The following CYP19A1 variants were observed in gnomAD, a reference collection of about 807,000 sequenced individuals.
CYP19A1 encodes the protein cytochrome P450 family 19 subfamily A member 1.
Under a neutral mutation model 44.4 loss-of-function variants are expected in CYP19A1, and 32 were observed. That is an observed-to-expected ratio of 0.72 (90% CI 0.54 to 0.97). The LOEUF (loss-of-function observed/expected upper bound fraction) is 0.97, where lower values mean the gene tolerates loss of function less well. Among genes scored for constraint, CYP19A1 ranks in the 50% least tolerant of loss-of-function variants. The probability of loss-of-function intolerance (pLI) is 0.00; values close to 1 mark genes in which losing one functional copy is unlikely to be tolerated. For synonymous variants in CYP19A1, 212 were observed against 215.6 expected (o/e 0.98, Z 0.14); for missense variants, 598 against 637.8 (o/e 0.94, Z 0.67).
At chr15:51,308,198 G>A (rs2036248506) in intron 1 of CYP19A1, among the ~76,000 whole-genome samples, 1 of 152,160 alleles carries the variant, frequency 6.6e-6, no homozygotes, top group Admixed American at 6.5e-5. Context: ...AAGGAGAGAA[G>A]CTTCCCATGT....
At chr15:51,236,814 C>T in intron 3 of CYP19A1, 45 bp downstream of exon 3, 2 of 1,611,594 alleles carry the variant, frequency 1.2e-6, no homozygotes, top group Non-Finnish European at 1.7e-6. Context: ...GAAAAAACTC[C>T]AGCCTCGATT....
intron 1 of CYP19A1, among the ~76,000 whole-genome samples, chr15:51,295,216 G>T (rs1487721183): frequency 6.6e-6 from 1 of 151,220 alleles, no homozygotes; most frequent in Non-Finnish European, 1.5e-5. Context: ...ACTGCTGAAG[G>T]CTTTTTACTC....
intron 1 of CYP19A1, among the ~76,000 whole-genome samples, chr15:51,302,640 G>A (rs1384366179): frequency 6.6e-6 from 1 of 152,154 alleles, no homozygotes; most frequent in African/African-American, 2.4e-5. Context: ...ACAGATCACA[G>A]CCTCAAACTG....
intron 1 of CYP19A1, among the ~76,000 whole-genome samples, chr15:51,271,833 A>T (rs530461722): frequency 3.9e-5 from 6 of 152,340 alleles, no homozygotes; most frequent in African/African-American, 1.2e-4. Context: ...CTTTGACAAA[A>T]ATCTTTTCCT....
intron 2 of CYP19A1, among the ~76,000 whole-genome samples, chr15:51,239,879 G>C (rs1374281813): frequency 6.6e-6 from 1 of 152,154 alleles, no homozygotes; most frequent in East Asian, 1.9e-4. Flanking sequence ...TCCCTGCTCT[G>C]GGATGTGGTA....
At chr15:51,243,409 C>T (rs547415930) in intron 1 of CYP19A1, among the ~76,000 whole-genome samples, 1 of 152,260 alleles carries the variant, frequency 6.6e-6, no homozygotes, top group Admixed American at 6.5e-5. Context: ...CCCTTTTTGA[C>T]CAAAATGACT....
chr15:51,337,467 T>TTGTATTAAAGA (rs2036795236), intron 1 of CYP19A1, among the ~76,000 whole-genome samples: 1 of 152,326 alleles, frequency 6.6e-6, no homozygotes, highest in African/African-American at 2.4e-5. Context: ...AATTACAGTC[T>TTGTATTAAAGA]CTTTAAAGAA....
chr15:51,229,248 G>A (rs2032835671), intron 3 of CYP19A1, among the ~76,000 whole-genome samples: 1 of 151,794 alleles, frequency 6.6e-6, no homozygotes, highest in Admixed American at 6.6e-5. Flanking sequence ...TAATATATAA[G>A]GTGTGGTAGT....
chr15:51,323,279 G>A (rs1028669005), intron 1 of CYP19A1, among the ~76,000 whole-genome samples: 2 of 152,030 alleles, frequency 1.3e-5, no homozygotes, highest in African/African-American at 4.8e-5. Context: ...CCTTCTTATA[G>A]GAAGCTGCTC....
intron 1 of CYP19A1, among the ~76,000 whole-genome samples, chr15:51,292,195 C>T (rs1383075380): frequency 2.6e-5 from 4 of 152,200 alleles, no homozygotes; most frequent in East Asian, 1.9e-4. Context: ...CAGAGTCACT[C>T]GGCTCTCAAC....
chr15:51,302,312 C>G (rs942006931), intron 1 of CYP19A1, among the ~76,000 whole-genome samples: 4 of 152,170 alleles, frequency 2.6e-5, no homozygotes, highest in Non-Finnish European at 4.4e-5. Context: ...AGCATTATTC[C>G]CCTGAGGGAA....
At chr15:51,297,332 T>C (rs2036015456) in intron 1 of CYP19A1, among the ~76,000 whole-genome samples, 1 of 152,176 alleles carries the variant, frequency 6.6e-6, no homozygotes, top group Non-Finnish European at 1.5e-5. Flanking sequence ...GCCTCCTCTT[T>C]AACAGATGAG....
intron 5 of CYP19A1, 61 bp downstream of exon 5, chr15:51,222,288 T>C (rs759065393): frequency 1.9e-6 from 3 of 1,613,136 alleles, no homozygotes; most frequent in Non-Finnish European, 2.5e-6. Flanking sequence ...CTGTTATCCC[T>C]CCTAGCTCCT....
At chr15:51,280,595 G>A (rs552349150) in intron 1 of CYP19A1, among the ~76,000 whole-genome samples, 3 of 152,276 alleles carry the variant, frequency 2.0e-5, no homozygotes, top group Admixed American at 1.3e-4. Context: ...CTAGTCCTTG[G>A]CAGGCTCCAG....
chr15:51,257,042 T>C (rs2034541445), intron 1 of CYP19A1, among the ~76,000 whole-genome samples: 5 of 152,228 alleles, frequency 3.3e-5, no homozygotes, highest in Admixed American at 1.3e-4. Context: ...TAATAAATTG[T>C]ATGGTCACCT....
intron 1 of CYP19A1, among the ~76,000 whole-genome samples, chr15:51,295,813 C>A (rs1185827362): frequency 6.6e-6 from 1 of 152,122 alleles, no homozygotes; most frequent in Non-Finnish European, 1.5e-5. Context: ...CCAAGCCCTT[C>A]CGTTAGGAAG....
chr15:51,293,029 A>G (rs2035883382), intron 1 of CYP19A1, among the ~76,000 whole-genome samples: 1 of 151,896 alleles, frequency 6.6e-6, no homozygotes, highest in African/African-American at 2.4e-5. Flanking sequence ...AGGGGGAAGG[A>G]CCAACACAAT....
At chr15:51,327,664 G>A (rs925854811) in intron 1 of CYP19A1, among the ~76,000 whole-genome samples, 1 of 152,026 alleles carries the variant, frequency 6.6e-6, no homozygotes. Context: ...AGACAGATGC[G>A]TGTTCTTCAC....
chr15:51,228,009 T>C lies in CYP19A1; in HGVS notation c.297-76A>G, dbSNP rs1065778. ...CTGGTGGTACATTTTGACTAGGAGG[T>C]AGCTCTCTTAGCAAATGCATGTTGC... On this transcript the variant is annotated intron_variant, in intron 3 of 9. Transcript: ENST00000396402. 0.44 allele frequency: 359,063 copies of C among 808,196 alleles called. 84,162 individuals carry two copies. The highest frequency in any genetic ancestry group is 0.51 in the Non-Finnish European group (225,277 of 445,896). 50.1% of individuals were successfully genotyped at this position (808,196 alleles called of 1,614,324 possible).
Sources: allele counts gnomAD v4.1 joint callset (sites outside exome capture counted in the v4.1 genomes callset), GRCh38; gene constraint gnomAD v4.1.1; transcripts MANE v1.5; gene names NCBI Gene and HGNC (gene_info 2026-07-23, HGNC 2026-07-21).